The following THSD7B variants were observed in gnomAD, a reference collection of about 807,000 sequenced individuals.
THSD7B encodes the protein thrombospondin type 1 domain containing 7B.
In THSD7B, 138 loss-of-function variants were observed where a neutral mutation model predicts 213.6. The ratio of observed to expected loss-of-function variants is 0.65; its 90% CI spans 0.56 to 0.74. The LOEUF (loss-of-function observed/expected upper bound fraction) is 0.74, where lower values mean the gene tolerates loss of function less well. Ranked by LOEUF, THSD7B falls within the 30% of genes least tolerant of loss-of-function variation. The pLI is 0.00. For missense variants in THSD7B, 1,931 were observed against 1,991.5 expected (o/e 0.97, Z 0.58); for synonymous variants, 742 against 687.0 (o/e 1.08, Z -1.25).
At chr2:137,387,990 C>T (rs946403053) in intron 12 of THSD7B, among the ~76,000 whole-genome samples, 2 of 152,176 alleles carry the variant, frequency 1.3e-5, no homozygotes, top group African/African-American at 2.4e-5. Context: ...CGCACACACA[C>T]ACAATACATT....
At chr2:136,889,258 T>G (rs762815308) in intron 2 of THSD7B, among the ~76,000 whole-genome samples, 1 of 152,194 alleles carries the variant, frequency 6.6e-6, no homozygotes, top group African/African-American at 2.4e-5. Flanking sequence ...GATATTATAG[T>G]TATATCTCAC....
chr2:137,439,549 T>TAATGCACAATCAGTCAGGAAACAA (rs1385336168), intron 14 of THSD7B, among the ~76,000 whole-genome samples: 9 of 152,122 alleles, frequency 5.9e-5, no homozygotes, highest in African/African-American at 2.2e-4. Context: ...CTGGATTAGA[T>TAATGCACAATCAGTCAGGAAACAA]AATGCACAAT....
intron 15 of THSD7B, among the ~76,000 whole-genome samples, chr2:137,561,540 T>G (rs1452596871): frequency 1.3e-5 from 2 of 152,182 alleles, no homozygotes; most frequent in Non-Finnish European, 2.9e-5. Flanking sequence ...CTTTGTTTAA[T>G]TAACAGATAT....
chr2:137,144,733 AAAT>A (rs1293758869), intron 5 of THSD7B, among the ~76,000 whole-genome samples: 1 of 152,042 alleles, frequency 6.6e-6, no homozygotes, highest in African/African-American at 2.4e-5. Flanking sequence ...AAGGAGAAAA[AAAT>A]ATCCATTTCA....
At chr2:137,502,605 T>G (rs1679736693) in intron 15 of THSD7B, among the ~76,000 whole-genome samples, 1 of 152,158 alleles carries the variant, frequency 6.6e-6, no homozygotes, top group Non-Finnish European at 1.5e-5. Flanking sequence ...TGCACTGAAA[T>G]CAACTAACTT....
At chr2:137,123,408 A>T (rs1688577358) in intron 5 of THSD7B, among the ~76,000 whole-genome samples, 1 of 152,142 alleles carries the variant, frequency 6.6e-6, no homozygotes, top group Admixed American at 6.5e-5. Context: ...AATCCTACCA[A>T]AAACACAGAT....
chr2:137,288,431 G>A (rs538572801), intron 12 of THSD7B, among the ~76,000 whole-genome samples: 1 of 152,230 alleles, frequency 6.6e-6, no homozygotes, highest in East Asian at 1.9e-4. Flanking sequence ...CACTTAGCAG[G>A]ATATGAGAAG....
intron 17 of THSD7B, among the ~76,000 whole-genome samples, chr2:137,600,633 G>A (rs1682059201): frequency 6.6e-6 from 1 of 152,196 alleles, no homozygotes; most frequent in Admixed American, 6.5e-5. Flanking sequence ...AGCTACTTGA[G>A]AGGCTAAGGT....
intron 10 of THSD7B, among the ~76,000 whole-genome samples, chr2:137,266,035 G>T (rs1390966369): frequency 2.6e-5 from 4 of 152,162 alleles, no homozygotes; most frequent in Non-Finnish European, 5.9e-5. Context: ...TACAAAACAG[G>T]AATGAGACTC....
At chr2:137,100,986 C>G (rs756937204) in intron 4 of THSD7B, among the ~76,000 whole-genome samples, 1 of 152,180 alleles carries the variant, frequency 6.6e-6, no homozygotes, top group Non-Finnish European at 1.5e-5. Context: ...TTCCTTCTAG[C>G]ACACACATCA....
At position 136,829,992 on chromosome 2, in the gene THSD7B, G is replaced by GT. The variant is rs1277499380; in HGVS notation, c.-35-52151dup. On this transcript the variant is annotated intron_variant, in intron 1 of 27. Coordinates refer to ENST00000409968, the MANE Select transcript of THSD7B (RefSeq NM_001316349.2). ...GTGGCCCCACTGGGTATTATAGTCT[G>GT]TAACTGCGAATGGTAGTGTGTGTGG... 6.6e-5 allele frequency among the ~76,000 whole-genome samples: 10 copies of GT among 151,994 alleles called. No homozygotes were observed. The East Asian group carries it at 1.2e-3, about 18-fold the overall frequency.
At chr2:137,319,233 T>C (rs1306097348) in intron 12 of THSD7B, among the ~76,000 whole-genome samples, 1 of 151,958 alleles carries the variant, frequency 6.6e-6, no homozygotes, top group Non-Finnish European at 1.5e-5. Context: ...CTTTTTTTTT[T>C]TTTTTGAAGG....
intron 7 of THSD7B, among the ~76,000 whole-genome samples, chr2:137,221,565 TTA>T (rs746234275): frequency 5.3e-5 from 8 of 152,206 alleles, no homozygotes; most frequent in Non-Finnish European, 1.0e-4. Flanking sequence ...TTAATGAAGT[TTA>T]TGTTTTTTGA....
intron 1 of THSD7B, among the ~76,000 whole-genome samples, chr2:136,779,540 A>C (rs1410691486): frequency 6.6e-6 from 1 of 152,218 alleles, no homozygotes; most frequent in African/African-American, 2.4e-5. Context: ...ATTAGGAGCT[A>C]ATTTAAGTGT....
intron 12 of THSD7B, among the ~76,000 whole-genome samples, chr2:137,288,649 C>T (rs905363701): frequency 6.6e-5 from 10 of 151,922 alleles, no homozygotes; most frequent in African/African-American, 2.4e-4. Flanking sequence ...ATTTCATACT[C>T]AATGGGGTTT....
chr2:137,337,661 A>G (rs1684670228), intron 12 of THSD7B, among the ~76,000 whole-genome samples: 1 of 152,092 alleles, frequency 6.6e-6, no homozygotes, highest in South Asian at 2.1e-4. Context: ...CTTACCCACA[A>G]AATTTATAAA....
chr2:136,783,668 A>G lies in THSD7B; in HGVS notation c.-36+17981A>G, dbSNP rs556096743. Among the ~76,000 whole-genome samples the G allele has an allele frequency of 2.0e-5, 3 of 152,328 alleles. No individual in the cohort carries two copies. In the South Asian group the frequency reaches 6.2e-4, roughly 32 times the overall value. ...GGCCTCCCACCCGCAATCTCCTGCC[A>G]GGCCCTCCAGTTGGAAGACCATAAT... On this transcript the variant is annotated intron_variant, in intron 1 of 27. Transcript: ENST00000409968.
chr2:137,179,875 C>A (rs1482161901), intron 7 of THSD7B, among the ~76,000 whole-genome samples: 1 of 152,054 alleles, frequency 6.6e-6, no homozygotes, highest in Non-Finnish European at 1.5e-5. Context: ...TCTTATTTAT[C>A]CTTTAAAAAC....
intron 1 of THSD7B, among the ~76,000 whole-genome samples, chr2:136,881,468 C>T: frequency 6.6e-6 from 1 of 152,084 alleles, no homozygotes; most frequent in East Asian, 1.9e-4. Flanking sequence ...TAACTGCTGA[C>T]CTTCAAATGT....
Sources: allele counts gnomAD v4.1 joint callset (sites outside exome capture counted in the v4.1 genomes callset), GRCh38; gene constraint gnomAD v4.1.1; transcripts MANE v1.5; gene names NCBI Gene and HGNC (gene_info 2026-07-23, HGNC 2026-07-21).